SLC24A2: variants seen among roughly 807,000 people sequenced by gnomAD.
The protein encoded by SLC24A2 is sodium/potassium/calcium exchanger 2.
Under a neutral mutation model 62.0 loss-of-function variants are expected in SLC24A2, and 36 were observed. That is an observed-to-expected ratio of 0.58 (90% CI 0.44 to 0.77). The LOEUF (loss-of-function observed/expected upper bound fraction) is 0.77, where lower values mean the gene tolerates loss of function less well. Among genes scored for constraint, SLC24A2 ranks in the 30% least tolerant of loss-of-function variants. The pLI is 0.00. For synonymous variants in SLC24A2, 358 were observed against 294.0 expected (o/e 1.22, Z -2.23); for missense variants, 846 against 817.9 (o/e 1.03, Z -0.42).
At chr9:19,885,034 G>A in the SLC24A2 span, among the ~76,000 whole-genome samples, 1 of 152,176 alleles carries the variant, frequency 6.6e-6, no homozygotes, top group African/African-American at 2.4e-5. Flanking sequence ...AATTTTTTCA[G>A]GATGCTGTCT....
intron 2 of SLC24A2, among the ~76,000 whole-genome samples, chr9:19,755,382 T>G (rs1162244239): frequency 6.6e-6 from 1 of 152,146 alleles, no homozygotes; most frequent in Non-Finnish European, 1.5e-5. Context: ...TTATCACATA[T>G]AAGTAAAAAG....
chr9:20,059,463 T>G, the SLC24A2 span, among the ~76,000 whole-genome samples: 1 of 152,108 alleles, frequency 6.6e-6, no homozygotes, highest in Non-Finnish European at 1.5e-5. Flanking sequence ...TTTCCAACCA[T>G]AATGGAATAA....
chr9:20,288,118 T>A, the SLC24A2 span, among the ~76,000 whole-genome samples: 5 of 151,950 alleles, frequency 3.3e-5, no homozygotes, highest in Non-Finnish European at 5.9e-5. Flanking sequence ...CAGAGAGAAA[T>A]GAGTTTTAGA....
At chr9:19,708,819 G>C (rs549942070) in intron 2 of SLC24A2, among the ~76,000 whole-genome samples, 30 of 152,174 alleles carry the variant, frequency 2.0e-4, no homozygotes, top group African/African-American at 6.0e-4. Flanking sequence ...GAAAACCTAG[G>C]CAATAACATT....
chr9:19,910,176 T>C, the SLC24A2 span, among the ~76,000 whole-genome samples: 1 of 152,122 alleles, frequency 6.6e-6, no homozygotes, highest in Non-Finnish European at 1.5e-5. Context: ...TGCTGCCTGA[T>C]CTTCCTCCTG....
the SLC24A2 span, among the ~76,000 whole-genome samples, chr9:20,027,534 T>C: frequency 6.6e-6 from 1 of 152,172 alleles, no homozygotes; most frequent in Non-Finnish European, 1.5e-5. Flanking sequence ...TTACGTTAAG[T>C]AAAATAAGCC....
At chr9:20,292,366 A>G in the SLC24A2 span, among the ~76,000 whole-genome samples, 14 of 152,220 alleles carry the variant, frequency 9.2e-5, no homozygotes, top group Admixed American at 8.5e-4. Flanking sequence ...AAAGAAATGT[A>G]GGAGAGGGAA....
chr9:19,627,605 A>G (rs1331973955), intron 2 of SLC24A2, among the ~76,000 whole-genome samples: 6 of 152,158 alleles, frequency 3.9e-5, no homozygotes, highest in Admixed American at 6.5e-5. Flanking sequence ...AGCTCCCTGC[A>G]ACCTCAAACT....
At chr9:19,891,138 G>A in the SLC24A2 span, among the ~76,000 whole-genome samples, 1 of 152,036 alleles carries the variant, frequency 6.6e-6, no homozygotes, top group Non-Finnish European at 1.5e-5. Context: ...TACCTGGTTG[G>A]CCCATCTCCA....
chr9:19,519,632 C>G (rs553435931), intron 10 of SLC24A2, among the ~76,000 whole-genome samples: 11 of 152,180 alleles, frequency 7.2e-5, no homozygotes, highest in Non-Finnish European at 1.6e-4. Flanking sequence ...ATGCAGTAAG[C>G]TCTGATGAGT....
At chr9:19,827,364 T>C in the SLC24A2 span, among the ~76,000 whole-genome samples, 32 of 152,038 alleles carry the variant, frequency 2.1e-4, no homozygotes, top group African/African-American at 7.0e-4. Flanking sequence ...AAACTTTGAG[T>C]TTGCAGGGGT....
intron 2 of SLC24A2, among the ~76,000 whole-genome samples, chr9:19,692,716 T>G (rs919762119): frequency 6.6e-6 from 1 of 152,154 alleles, no homozygotes; most frequent in East Asian, 1.9e-4. Context: ...GTTTATTGTC[T>G]CCTTCCTCCA....
intron 2 of SLC24A2, among the ~76,000 whole-genome samples, chr9:19,752,440 T>C (rs1388614581): frequency 3.3e-5 from 5 of 150,984 alleles, no homozygotes; most frequent in Non-Finnish European, 7.4e-5. Flanking sequence ...AGAGGCTGTG[T>C]CTTCAAGGGT....
At chr9:20,066,918 C>A in the SLC24A2 span, among the ~76,000 whole-genome samples, 1 of 152,038 alleles carries the variant, frequency 6.6e-6, no homozygotes, top group African/African-American at 2.4e-5. Context: ...ATCTAGGTCC[C>A]CACATGCAAG....
At chr9:20,027,726 G>C in the SLC24A2 span, among the ~76,000 whole-genome samples, 1 of 152,066 alleles carries the variant, frequency 6.6e-6, no homozygotes, top group Non-Finnish European at 1.5e-5. Context: ...TAAATTTTAA[G>C]ATCTATTTCA....
chr9:20,229,744 T>G, the SLC24A2 span, among the ~76,000 whole-genome samples: 1 of 152,130 alleles, frequency 6.6e-6, no homozygotes, highest in Admixed American at 6.5e-5. Context: ...AATTTTATTA[T>G]TATTATACTT....
intron 2 of SLC24A2, among the ~76,000 whole-genome samples, chr9:19,661,337 T>C (rs1819094596): frequency 6.6e-6 from 1 of 152,190 alleles, no homozygotes; most frequent in Admixed American, 6.6e-5. Flanking sequence ...ATTGTTGTTG[T>C]AGAGTATGAA....
At chr9:19,824,414 A>G in the SLC24A2 span, among the ~76,000 whole-genome samples, 3 of 152,250 alleles carry the variant, frequency 2.0e-5, no homozygotes, top group African/African-American at 7.2e-5. Flanking sequence ...CAAACATATG[A>G]AAAAAAGCTC....
chr9:19,763,253 CATCTGCAAACAGAGATA>C (rs1363695438), intron 2 of SLC24A2, among the ~76,000 whole-genome samples: 8 of 152,186 alleles, frequency 5.3e-5, no homozygotes, highest in African/African-American at 1.9e-4. Context: ...ACAATCGTGT[CATCTGCAAACAGAGATA>C]ATTTGACTTT....
Sources: gnomAD v4.1 joint callset for allele counts (sites outside exome capture counted in the v4.1 genomes callset) on GRCh38, gnomAD v4.1.1 for gene constraint, MANE v1.5 for transcripts, NCBI Gene and HGNC (gene_info 2026-07-23, HGNC 2026-07-21) for gene names.